The following NOX4 variants were observed in gnomAD, a reference collection of about 807,000 sequenced individuals.
The protein encoded by NOX4 is NADPH oxidase 4, also known as kidney oxidase-1.
Under a neutral mutation model 87.6 loss-of-function variants are expected in NOX4, and 69 were observed. The ratio of observed to expected loss-of-function variants is 0.79; its 90% CI spans 0.65 to 0.96. The LOEUF (loss-of-function observed/expected upper bound fraction) is 0.96, where lower values mean the gene tolerates loss of function less well. Ranked by LOEUF, NOX4 falls within the 40% of genes least tolerant of loss-of-function variation. NOX4 has a pLI of 0.00. For synonymous variants in NOX4, 275 were observed against 238.2 expected (o/e 1.15, Z -1.42); for missense variants, 680 against 681.5 (o/e 1.00, Z 0.02).
the NOX4 span, among the ~76,000 whole-genome samples, chr11:89,579,951 AT>A: frequency 3.3e-5 from 5 of 152,092 alleles, no homozygotes; most frequent in Non-Finnish European, 7.4e-5. Flanking sequence ...ATGTAAATTG[AT>A]TATGTCTGTG....
the NOX4 span, among the ~76,000 whole-genome samples, chr11:89,506,269 G>C: frequency 1.7e-5 from 2 of 114,672 alleles, no homozygotes; most frequent in African/African-American, 6.5e-5. Flanking sequence ...GAAAGAGAAA[G>C]AAAGAAAAAG....
At chr11:89,529,323 AG>A in the NOX4 span, among the ~76,000 whole-genome samples, 1 of 152,320 alleles carries the variant, frequency 6.6e-6, no homozygotes, top group Non-Finnish European at 1.5e-5. Flanking sequence ...GGAAGAAAAA[AG>A]GAAATATAAA....
the NOX4 span, among the ~76,000 whole-genome samples, chr11:89,510,606 G>T: frequency 6.6e-6 from 1 of 152,058 alleles, no homozygotes; most frequent in East Asian, 1.9e-4. Context: ...CTATACTTGA[G>T]TGTAGAATAG....
At chr11:89,548,279 A>G in the NOX4 span, 5 of 152,166 alleles carry the variant, frequency 3.3e-5, no homozygotes, top group Non-Finnish European at 4.4e-5. Context: ...TCTTTATAGG[A>G]AAAGACCAGA....
In NOX4 at chr11:89,326,854, A is replaced by G. The variant is rs746351496; in HGVS notation, c.1639T>C (p.Cys547Arg). The G allele has an allele frequency of 1.9e-6, 3 of 1,613,344 alleles. No individual in the cohort carries two copies. In the East Asian group the frequency reaches 6.7e-5, roughly 36 times the overall value. The stretch of plus-strand genomic sequence containing the variant: ...GTCTTGGATAGTGAATTGGGTCCAC[A>G]ACAGAAAACACCAACTGTTTTTCTA... ...NRGKTVGVFC[C>R]GPNSLSKTLH... Residue 547 changes from cysteine to arginine, a missense_variant, in exon 18 of 18, where the codon TGT (cysteine) becomes CGT (arginine). By Grantham distance (180) the Cys-to-Arg change is radical. Transcript: ENST00000263317.
chr11:89,576,484 A>C, the NOX4 span, among the ~76,000 whole-genome samples: 2 of 152,194 alleles, frequency 1.3e-5, no homozygotes. Context: ...CTATATTTTA[A>C]TCGTGGCTAT....
intron 17 of NOX4, among the ~76,000 whole-genome samples, chr11:89,327,755 T>C (rs1348559584): frequency 1.3e-5 from 2 of 151,974 alleles, no homozygotes; most frequent in Admixed American, 6.6e-5. Context: ...CAAAAATTAA[T>C]AGTAAATACT....
chr11:89,334,957 GC>G (rs1945636474), intron 17 of NOX4, among the ~76,000 whole-genome samples: 1 of 151,614 alleles, frequency 6.6e-6, no homozygotes. Context: ...ACATCCAACT[GC>G]TAAAAGAAGA....
chr11:89,404,017 A>T (rs956694830), intron 8 of NOX4, among the ~76,000 whole-genome samples: 5 of 152,018 alleles, frequency 3.3e-5, no homozygotes, highest in Non-Finnish European at 7.4e-5. Flanking sequence ...CATGCATTAC[A>T]TGACATCATA....
intron 12 of NOX4, among the ~76,000 whole-genome samples, chr11:89,355,451 T>C (rs1191941597): frequency 6.7e-6 from 1 of 148,652 alleles, no homozygotes; most frequent in Non-Finnish European, 1.5e-5. Flanking sequence ...AATATAAAAA[T>C]ATATTTTTTT....
At chr11:89,333,775 T>C (rs1005927840) in intron 17 of NOX4, among the ~76,000 whole-genome samples, 1 of 151,818 alleles carries the variant, frequency 6.6e-6, no homozygotes, top group African/African-American at 2.4e-5. Flanking sequence ...CTGAAGAATG[T>C]TGATCCATTC....
intron 12 of NOX4, among the ~76,000 whole-genome samples, chr11:89,358,199 A>G (rs1938220303): frequency 6.6e-6 from 1 of 151,976 alleles, no homozygotes; most frequent in African/African-American, 2.4e-5. Flanking sequence ...AGCCTGACCA[A>G]CATGGTGAAA....
chr11:89,494,347 A>T (rs898987521), upstream of NOX4, among the ~76,000 whole-genome samples: 1 of 152,180 alleles, frequency 6.6e-6, no homozygotes, highest in African/African-American at 2.4e-5. Context: ...AAACACAGAA[A>T]CTTTTTTGTA....
chr11:89,518,212 T>C, the NOX4 span, among the ~76,000 whole-genome samples: 2 of 152,096 alleles, frequency 1.3e-5, no homozygotes, highest in African/African-American at 4.8e-5. Flanking sequence ...AAACCTATTT[T>C]TGGAAGAGAC....
intron 8 of NOX4, among the ~76,000 whole-genome samples, chr11:89,416,123 C>T (rs1326570424): frequency 6.6e-6 from 1 of 152,108 alleles, no homozygotes; most frequent in Non-Finnish European, 1.5e-5. Context: ...CCTGGTTTTT[C>T]TATAGCCACT....
the NOX4 span, among the ~76,000 whole-genome samples, chr11:89,523,516 T>TA: frequency 6.6e-6 from 1 of 152,216 alleles, no homozygotes; most frequent in African/African-American, 2.4e-5. Flanking sequence ...AGAAGATACA[T>TA]AACCAGGCTT....
At chr11:89,383,495 T>C (rs1440171337) in intron 11 of NOX4, among the ~76,000 whole-genome samples, 1 of 152,132 alleles carries the variant, frequency 6.6e-6, no homozygotes, top group Admixed American at 6.5e-5. Context: ...TCCTGGACCA[T>C]CACAGACACT....
intron 17 of NOX4, 80 bp from the exon 18 acceptor site, chr11:89,326,956 G>C: frequency 7.6e-7 from 1 of 1,315,122 alleles, no homozygotes; most frequent in South Asian, 1.4e-5. Flanking sequence ...TATGAGCATG[G>C]TTTAAAGTAT....
chr11:89,572,523 GTTTT>G, the NOX4 span, among the ~76,000 whole-genome samples: 7 of 150,384 alleles, frequency 4.7e-5, no homozygotes, highest in Non-Finnish European at 8.8e-5. Flanking sequence ...AGAATTATAT[GTTTT>G]TTTGTTTGTT....
Sources: gnomAD v4.1 joint callset for allele counts (sites outside exome capture counted in the v4.1 genomes callset) on GRCh38, gnomAD v4.1.1 for gene constraint, MANE v1.5 for transcripts, NCBI Gene and HGNC (gene_info 2026-07-23, HGNC 2026-07-21) for gene names.